Variants in PDE4D observed in about 807,000 individuals in gnomAD.
PDE4D encodes the protein phosphodiesterase 4D, also known as 3',5'-cyclic-AMP phosphodiesterase 4D.
PDE4D carries 24 observed loss-of-function variants against 87.4 expected under a neutral mutation model. The observed-to-expected ratio is 0.27, with a 90% confidence interval of 0.20 to 0.39. The LOEUF is 0.39. Ranked by LOEUF, PDE4D falls within the 10% of genes least tolerant of loss-of-function variation. The probability of loss-of-function intolerance (pLI) is 1.00; values close to 1 mark genes in which losing one functional copy is unlikely to be tolerated. For synonymous variants in PDE4D, 384 were observed against 383.2 expected, an observed-to-expected ratio of 1.00 and a Z score of -0.02; for missense variants, 714 against 1,041.0, an observed-to-expected ratio of 0.69 and a Z score of 4.32.
chr5:59,191,387 T>C (rs545246562), intron 3 of PDE4D, among the ~76,000 whole-genome samples: 1 of 151,850 alleles, frequency 6.6e-6, no homozygotes, highest in East Asian at 1.9e-4. Context: ...TTATTAAATA[T>C]TTATATATAT....
At chr5:60,233,830 G>T (rs1746099597) in intron 1 of PDE4D, among the ~76,000 whole-genome samples, 1 of 151,754 alleles carries the variant, frequency 6.6e-6, no homozygotes, top group Non-Finnish European at 1.5e-5. Context: ...AATTAAGAAA[G>T]CTGTAAGTTC....
intron 1 of PDE4D, among the ~76,000 whole-genome samples, chr5:59,490,698 A>C (rs191007249): frequency 6.6e-6 from 1 of 152,252 alleles, no homozygotes; most frequent in Non-Finnish European, 1.5e-5. Flanking sequence ...TTAAAGTAAA[A>C]TAAACTATTA....
intron 1 of PDE4D, among the ~76,000 whole-genome samples, chr5:59,728,325 A>T (rs1361392257): frequency 2.0e-5 from 3 of 152,152 alleles, no homozygotes; most frequent in Admixed American, 6.6e-5. Context: ...TTAACTTTCA[A>T]TTCAGCCCTC....
intron 6 of PDE4D, among the ~76,000 whole-genome samples, chr5:59,038,590 C>A (rs1758978135): frequency 6.6e-6 from 1 of 152,156 alleles, no homozygotes; most frequent in Non-Finnish European, 1.5e-5. Context: ...TGGGTTTCTG[C>A]TGCAAGGGCT....
intron 1 of PDE4D, among the ~76,000 whole-genome samples, chr5:60,289,621 G>A (rs1032712113): frequency 6.6e-6 from 1 of 152,162 alleles, no homozygotes; most frequent in African/African-American, 2.4e-5. Context: ...TAGAATCTCC[G>A]ATTGGACCAT....
intron 1 of PDE4D, among the ~76,000 whole-genome samples, chr5:59,593,876 T>C (rs980470200): frequency 9.9e-5 from 15 of 152,078 alleles, no homozygotes; most frequent in Non-Finnish European, 2.2e-4. Context: ...TCACAGTAAA[T>C]ATTGGAGAAA....
At chr5:59,402,735 G>T (rs1251977222) in intron 1 of PDE4D, among the ~76,000 whole-genome samples, 1 of 152,060 alleles carries the variant, frequency 6.6e-6, no homozygotes, top group Non-Finnish European at 1.5e-5. Flanking sequence ...AGAACAAGTT[G>T]CAGGAGTCTT....
intron 1 of PDE4D, among the ~76,000 whole-genome samples, chr5:59,356,361 T>C (rs948748697): frequency 1.3e-5 from 2 of 152,206 alleles, no homozygotes; most frequent in Admixed American, 6.5e-5. Context: ...TTTCCATTTT[T>C]TCATGTGCAT....
At chr5:59,398,529 A>G (rs906103507) in intron 1 of PDE4D, among the ~76,000 whole-genome samples, 6 of 122,424 alleles carry the variant, frequency 4.9e-5, no homozygotes, top group African/African-American at 9.8e-5. Flanking sequence ...AAAATTCAAC[A>G]ACCCTACATG....
chr5:58,989,970 C>A, intron 9 of PDE4D, 51 bp from the exon 10 acceptor site: 1 of 1,154,808 alleles, frequency 8.7e-7, no homozygotes. Flanking sequence ...TGAAAAATTT[C>A]TCCATAGAGT....
intron 1 of PDE4D, among the ~76,000 whole-genome samples, chr5:59,539,818 A>C (rs1219782287): frequency 6.6e-6 from 1 of 152,176 alleles, no homozygotes; most frequent in African/African-American, 2.4e-5. Flanking sequence ...AAACACACAC[A>C]CACAGACACA....
At chr5:60,210,614 AC>A (rs949508288) in intron 1 of PDE4D, among the ~76,000 whole-genome samples, 7 of 151,762 alleles carry the variant, frequency 4.6e-5, no homozygotes, top group Non-Finnish European at 7.4e-5. Flanking sequence ...AAAAGGATAC[AC>A]CCCCCTCCCC....
intron 1 of PDE4D, among the ~76,000 whole-genome samples, chr5:60,468,130 C>CTTTTTTTTTTTTTTTTTT (rs370784270): frequency 1.4e-3 from 176 of 126,050 alleles, no homozygotes; most frequent in African/African-American, 3.7e-3. Flanking sequence ...AACTTTCTTT[C>CTTTTTTTTTTTTTTTTTT]TTTTTTCTTT....
At chr5:60,030,709 A>T (rs1487298988) in intron 2 of PDE4D, 1 of 152,230 alleles carries the variant, frequency 6.6e-6, no homozygotes, top group Non-Finnish European at 1.5e-5. Context: ...ACACGAGTTT[A>T]CCTTTATAAC....
At chr5:59,429,772 G>A (rs546950551) in intron 1 of PDE4D, among the ~76,000 whole-genome samples, 2 of 152,154 alleles carry the variant, frequency 1.3e-5, no homozygotes, top group South Asian at 2.1e-4. Flanking sequence ...AGGGTGGGTC[G>A]GGGGTAGAAC....
At chr5:60,310,959 A>C (rs1393741298) in intron 1 of PDE4D, among the ~76,000 whole-genome samples, 3 of 152,138 alleles carry the variant, frequency 2.0e-5, no homozygotes, top group African/African-American at 7.2e-5. Context: ...AGGAAATATG[A>C]AGGTTCACAC....
At chr5:59,714,315 T>G (rs1446410507) in intron 1 of PDE4D, among the ~76,000 whole-genome samples, 1 of 152,238 alleles carries the variant, frequency 6.6e-6, no homozygotes, top group Non-Finnish European at 1.5e-5. Context: ...CATTGCTGTA[T>G]GACCTGGTCC....
chr5:59,884,052 C>T (rs1318416585), intron 1 of PDE4D, among the ~76,000 whole-genome samples: 1 of 152,030 alleles, frequency 6.6e-6, no homozygotes, highest in Non-Finnish European at 1.5e-5. Flanking sequence ...AACACATGCT[C>T]ATTTTAAAGG....
In PDE4D at chr5:59,507,664, C is replaced by CA. The variant is rs1284106865; in HGVS notation, c.456-291697dup. 8.7e-3 allele frequency among the ~76,000 whole-genome samples: 693 copies of CA among 79,482 alleles called. 8 individuals are homozygous for CA. The highest frequency in any genetic ancestry group is 0.042 in the East Asian group (91 of 2,174). 52.1% of individuals were successfully genotyped at this position (79,482 alleles called of 152,430 possible). A position where few individuals can be genotyped will look rare whatever the true frequency, so the allele number is the denominator to read the frequency against. On this transcript the variant is annotated intron_variant, in intron 1 of 14. Transcript: ENST00000340635. ...TGGGTGACAGAGCAATACCCTGTCT[C>CA]AAAAAAAAAAAAAAAAAAAGAAAAG...
Sources: allele counts gnomAD v4.1 joint callset (sites outside exome capture counted in the v4.1 genomes callset), GRCh38; gene constraint gnomAD v4.1.1; transcripts MANE v1.5; gene names NCBI Gene and HGNC (gene_info 2026-07-23, HGNC 2026-07-21).